CCDC91: variants seen among roughly 807,000 people sequenced by gnomAD.
CCDC91 encodes coiled-coil domain-containing protein 91.
Under a neutral mutation model 63.2 loss-of-function variants are expected in CCDC91, and 48 were observed. The observed-to-expected ratio is 0.76, with a 90% CI of 0.60 to 0.97. The LOEUF is 0.97. CCDC91 is among the 50% of genes least tolerant of loss of function. The pLI, the probability that CCDC91 is intolerant of heterozygous loss-of-function variation, is 0.00. For synonymous variants in CCDC91, 167 were observed against 165.8 expected, an observed-to-expected ratio of 1.01 and a Z score of -0.06; for missense variants, 500 against 494.6, an observed-to-expected ratio of 1.01 and a Z score of -0.10.
chr12:28,206,266 G>T (rs1942845732), intron 1 of CCDC91, among the ~76,000 whole-genome samples: 1 of 152,146 alleles, frequency 6.6e-6, no homozygotes, highest in South Asian at 2.1e-4. Flanking sequence ...GTTCTCAGGT[G>T]AGAGTGTGAC....
At chr12:28,218,070 C>T (rs181069650) in intron 1 of CCDC91, among the ~76,000 whole-genome samples, 32 of 152,224 alleles carry the variant, frequency 2.1e-4, no homozygotes, top group Admixed American at 9.8e-4. Flanking sequence ...CTCCATCCTC[C>T]GTGTTTGATC....
intron 1 of CCDC91, among the ~76,000 whole-genome samples, chr12:28,198,472 C>G (rs1941951365): frequency 6.6e-6 from 1 of 152,072 alleles, no homozygotes; most frequent in Non-Finnish European, 1.5e-5. Flanking sequence ...TAGGTTAGAC[C>G]TTTTGCTTAG....
intron 6 of CCDC91, among the ~76,000 whole-genome samples, chr12:28,346,945 G>A (rs11049547): frequency 0.21 from 31,297 of 152,024 alleles, 4,116 homozygotes; most frequent in Non-Finnish European, 0.3. Context: ...AACCTATCAG[G>A]CAAAAGACAC....
intron 6 of CCDC91, among the ~76,000 whole-genome samples, chr12:28,313,324 T>C (rs1354765166): frequency 6.6e-6 from 1 of 152,046 alleles, no homozygotes; most frequent in Non-Finnish European, 1.5e-5. Context: ...TATGTATTTA[T>C]AAAAATAGTA....
At chr12:28,542,308 TGTG>T (rs991490327) in intron 12 of CCDC91, among the ~76,000 whole-genome samples, 1 of 152,070 alleles carries the variant, frequency 6.6e-6, no homozygotes, top group African/African-American at 2.4e-5. Flanking sequence ...GTTCTTTAGT[TGTG>T]GTCAAAAGGT....
chr12:28,268,140 T>C (rs1245812524), intron 3 of CCDC91, among the ~76,000 whole-genome samples: 2 of 150,946 alleles, frequency 1.3e-5, no homozygotes, highest in Non-Finnish European at 2.9e-5. Context: ...CTTGGCTCAC[T>C]GCAACCTCTG....
chr12:28,385,133 GAAAT>G, intron 7 of CCDC91, among the ~76,000 whole-genome samples: 1 of 152,102 alleles, frequency 6.6e-6, no homozygotes, highest in East Asian at 1.9e-4. Flanking sequence ...AGAAATAATA[GAAAT>G]AAATTTTTTA....
chr12:28,538,792 T>A (rs1008114827), intron 12 of CCDC91, among the ~76,000 whole-genome samples: 7 of 152,084 alleles, frequency 4.6e-5, no homozygotes, highest in Admixed American at 2.6e-4. Context: ...TTTTAATGAT[T>A]GCCATTCTAA....
chr12:28,535,561 G>A (rs1159313444), intron 12 of CCDC91, among the ~76,000 whole-genome samples: 4 of 152,210 alleles, frequency 2.6e-5, no homozygotes, highest in Non-Finnish European at 4.4e-5. Flanking sequence ...CCCAGTTGCA[G>A]TGTGCACTTG....
chr12:28,312,017 G>A (rs1939379284), intron 6 of CCDC91, among the ~76,000 whole-genome samples: 1 of 151,974 alleles, frequency 6.6e-6, no homozygotes, highest in Admixed American at 6.6e-5. Flanking sequence ...TTAATAAAAT[G>A]TCCAAACTTT....
chr12:28,437,077 T>C (rs1592671638), intron 8 of CCDC91, among the ~76,000 whole-genome samples: 1 of 151,846 alleles, frequency 6.6e-6, no homozygotes. Context: ...TGTTCTATAC[T>C]TCATGTTTTA....
intron 6 of CCDC91, among the ~76,000 whole-genome samples, chr12:28,325,171 A>G (rs1940869564): frequency 1.3e-5 from 2 of 152,030 alleles, no homozygotes; most frequent in South Asian, 4.1e-4. Flanking sequence ...GGAATCACAT[A>G]AAAGTAATTG....
intron 11 of CCDC91, among the ~76,000 whole-genome samples, chr12:28,458,845 C>G (rs1000775170): frequency 6.6e-6 from 1 of 152,106 alleles, no homozygotes; most frequent in African/African-American, 2.4e-5. Flanking sequence ...ACCTTGACCT[C>G]TTATGTAGAC....
intron 1 of CCDC91, among the ~76,000 whole-genome samples, chr12:28,200,994 G>A (rs1942219138): frequency 7.6e-6 from 1 of 131,924 alleles, no homozygotes; most frequent in Non-Finnish European, 1.6e-5. Context: ...GGCTGGCCGG[G>A]CGGGGGGCTG....
intron 12 of CCDC91, among the ~76,000 whole-genome samples, chr12:28,542,288 G>GA (rs1315968377): frequency 2.0e-5 from 3 of 151,758 alleles, no homozygotes; most frequent in South Asian, 4.1e-4. Flanking sequence ...TAAAACAAAA[G>GA]AAAAAAATAG....
chr12:28,397,339 C>G (rs528843012), intron 8 of CCDC91, among the ~76,000 whole-genome samples: 5 of 152,258 alleles, frequency 3.3e-5, no homozygotes, highest in African/African-American at 1.2e-4. Context: ...AAACAGATGA[C>G]AAGTCTTTGA....
At position 28,274,779 on chromosome 12, in the gene CCDC91, A is replaced by G. The variant is rs543783371; in HGVS notation, c.109+15337A>G. 1.0e-3 allele frequency among the ~76,000 whole-genome samples: 159 copies of G among 152,264 alleles called. 1 individual carries two copies. The highest frequency in any genetic ancestry group is 3.4e-3 in the African/African-American group (141 of 41,558). On this transcript the variant is annotated intron_variant, in intron 3 of 12. Transcript: ENST00000536442. The stretch of plus-strand genomic sequence containing the variant: ...AGTTTTGTAGGTATACAATCATGTC[A>G]TCTGCAAACAGGGACAATTTGACTT...
chr12:28,525,282 G>A (rs1941161076), intron 12 of CCDC91, among the ~76,000 whole-genome samples: 1 of 152,178 alleles, frequency 6.6e-6, no homozygotes, highest in Non-Finnish European at 1.5e-5. Context: ...GTATCCCAGA[G>A]GTATTGATAG....
At chr12:28,291,795 C>T (rs1431894284) in intron 3 of CCDC91, among the ~76,000 whole-genome samples, 1 of 152,162 alleles carries the variant, frequency 6.6e-6, no homozygotes, top group African/African-American at 2.4e-5. Context: ...TTTCACCTTT[C>T]CAGTTTGCTT....
Sources: allele counts gnomAD v4.1 joint callset (sites outside exome capture counted in the v4.1 genomes callset), GRCh38; gene constraint gnomAD v4.1.1; transcripts MANE v1.5; gene names NCBI Gene and HGNC (gene_info 2026-07-23, HGNC 2026-07-21).